PIK3CB: variants seen among roughly 807,000 people sequenced by gnomAD.
The protein encoded by PIK3CB is phosphatidylinositol 4,5-bisphosphate 3-kinase catalytic subunit beta isoform.
In PIK3CB, 39 loss-of-function variants were observed where a neutral mutation model predicts 136.8. That is an observed-to-expected ratio of 0.29 (90% confidence interval 0.22 to 0.37). The LOEUF (loss-of-function observed/expected upper bound fraction) is 0.37, where lower values mean the gene tolerates loss of function less well. Among genes scored for constraint, PIK3CB ranks in the 10% least tolerant of loss-of-function variants. The pLI, the probability that PIK3CB is intolerant of heterozygous loss-of-function variation, is 1.00. For missense variants in PIK3CB, 868 were observed against 1,275.4 expected, an observed-to-expected ratio of 0.68 and a Z score of 4.87; for synonymous variants, 428 against 436.6, an observed-to-expected ratio of 0.98 and a Z score of 0.25.
At chr3:138,808,493 A>G (rs997788081) in intron 1 of PIK3CB, among the ~76,000 whole-genome samples, 4 of 152,090 alleles carry the variant, frequency 2.6e-5, no homozygotes, top group African/African-American at 9.7e-5. Flanking sequence ...ACAACTTTGT[A>G]GTCTCTACAA....
intron 4 of PIK3CB, 81 bp from the exon 5 acceptor site, chr3:138,742,862 C>A: frequency 4.3e-6 from 3 of 705,756 alleles, no homozygotes; most frequent in Non-Finnish European, 6.7e-6. Flanking sequence ...GTATATTCAA[C>A]AAAAACTAAC....
chr3:138,713,832 A>C (rs760546517), intron 9 of PIK3CB, among the ~76,000 whole-genome samples: 2 of 152,250 alleles, frequency 1.3e-5, no homozygotes, highest in Admixed American at 1.3e-4. Context: ...GGAAGATGAA[A>C]GTATGACAAC....
At position 138,655,332 on chromosome 3, in the gene PIK3CB, A is replaced by G; in HGVS notation, c.*57T>C. 6.5e-7 allele frequency: 1 copy of G among 1,545,600 alleles called. No individual in the cohort carries two copies. Reference sequence around the variant, plus strand: ...ACAGGGTCATGTTCAATTTAGTGCAAGTGCAAAATGAAAATGAAATGAAAC... The same window carrying G: ...ACAGGGTCATGTTCAATTTAGTGCAGGTGCAAAATGAAAATGAAATGAAAC... On this transcript the variant is annotated 3_prime_UTR_variant, in exon 24 of 24. Coordinates refer to ENST00000674063, the MANE Select transcript of PIK3CB (RefSeq NM_006219.3).
chr3:138,752,759 T>C (rs2045496541), intron 4 of PIK3CB, among the ~76,000 whole-genome samples: 1 of 151,974 alleles, frequency 6.6e-6, no homozygotes, highest in Non-Finnish European at 1.5e-5. Context: ...ATATAGATTA[T>C]ACCCCTATGC....
At chr3:138,681,483 C>CT (rs1358523911) in intron 19 of PIK3CB, among the ~76,000 whole-genome samples, 7 of 151,870 alleles carry the variant, frequency 4.6e-5, no homozygotes, top group South Asian at 2.1e-4. Context: ...TTTATGTTTC[C>CT]TTTTTTCTGT....
At chr3:138,808,369 A>G (rs1324608499) in intron 1 of PIK3CB, among the ~76,000 whole-genome samples, 2 of 152,092 alleles carry the variant, frequency 1.3e-5, no homozygotes, top group Non-Finnish European at 2.9e-5. Context: ...AGTGGCATAC[A>G]CCTGTAACCT....
Position 138,694,855 on chromosome 3 carries a change from T to G in PIK3CB, c.1823A>C (p.Glu608Ala). Residue 608 changes from glutamate (E) to alanine (A), a missense_variant, in exon 14 of 24, where the codon GAG (glutamate) becomes GCG (alanine). This residue lies in a region of PIK3CB where 612 missense variants were observed against 801.1 expected (regional missense o/e 0.76). Coordinates refer to ENST00000674063, the MANE Select transcript of PIK3CB (RefSeq NM_006219.3). ...WPKLPPREAL[E>A]LLDFNYPDQY... ...GTCTGGATAGTTGAAATCCAGAAGC[T>G]CTAGGGCCTCCCGGGGGGGCAGTTT... 6.2e-7 allele frequency: 1 copy of G among 1,612,994 alleles called. No individual in the cohort carries two copies. Among genetic ancestry groups the G allele is most frequent in the Non-Finnish European group, 8.5e-7 (1 of 1,179,466 alleles).
chr3:138,762,927 T>A (rs1005988480), intron 2 of PIK3CB, among the ~76,000 whole-genome samples: 2 of 151,408 alleles, frequency 1.3e-5, no homozygotes, highest in African/African-American at 4.9e-5. Flanking sequence ...ACCACTGCAC[T>A]CCAGCCTGGG....
In PIK3CB at chr3:138,757,478, A is replaced by AACACACAC. The variant is rs146470519; in HGVS notation, c.172-1507_172-1500dup. On this transcript the variant is annotated intron_variant, in intron 3 of 23. Coordinates refer to ENST00000674063, the MANE Select transcript of PIK3CB (RefSeq NM_006219.3). ...ACATCCATTAGGATGGATACTATTA[A>AACACACAC]ACACACACACACACACACACACACA... Among the ~76,000 whole-genome samples, 419 of 136,426 alleles carry AACACACAC rather than the reference A, an allele frequency of 3.1e-3. 1 individual carries two copies. The highest frequency in any genetic ancestry group is 9.3e-3 in the African/African-American group (333 of 35,910). 89.5% of individuals were successfully genotyped at this position (136,426 alleles called of 152,430 possible). A position where few individuals can be genotyped will look rare whatever the true frequency, so the allele number is the denominator to read the frequency against.
At position 138,742,715 on chromosome 3, in the gene PIK3CB, A is replaced by C. The variant is rs1220873935; in HGVS notation, c.464T>G (p.Phe155Cys). ...VNEFRRKMRK[F>C]SEEKILSLVG... ...AAGTGACAGGATTTTTTCCTCGCTG[A>C]ATTTGCGCATTTTTCTTCGAAATTC... Residue 155 changes from phenylalanine to cysteine, a missense_variant, in exon 5 of 24, where the codon TTC becomes TGC. Coordinates refer to ENST00000674063, the MANE Select transcript of PIK3CB (RefSeq NM_006219.3). The C allele has an allele frequency of 3.1e-5, 50 of 1,613,628 alleles. No homozygotes were observed. Among genetic ancestry groups the C allele is most frequent in the Non-Finnish European group, 4.0e-5 (47 of 1,179,790 alleles).
intron 14 of PIK3CB, among the ~76,000 whole-genome samples, chr3:138,694,308 G>A (rs910213431): frequency 2.0e-5 from 3 of 152,000 alleles, no homozygotes; most frequent in African/African-American, 4.8e-5. Context: ...CGTAAAAACC[G>A]TGGCCACGAA....
intron 1 of PIK3CB, among the ~76,000 whole-genome samples, chr3:138,808,267 T>C (rs1291101895): frequency 1.3e-5 from 2 of 152,164 alleles, no homozygotes; most frequent in Non-Finnish European, 2.9e-5. Flanking sequence ...ATATTACTTA[T>C]TGACAACAGT....
intron 1 of PIK3CB, among the ~76,000 whole-genome samples, chr3:138,800,417 T>A (rs560536111): frequency 6.6e-6 from 1 of 151,810 alleles, no homozygotes; most frequent in South Asian, 2.1e-4. Flanking sequence ...CTTGACCTCC[T>A]GGGCTAGGGA....
intron 1 of PIK3CB, among the ~76,000 whole-genome samples, chr3:138,815,162 A>AATATATATATAT (rs1553743710): frequency 1.6e-5 from 1 of 62,476 alleles, no homozygotes; most frequent in African/African-American, 6.5e-5. Flanking sequence ...AAAAAAAAAA[A>AATATATATATAT]ATATATATAT....
At chr3:138,672,068 A>G (rs2108446787) in intron 19 of PIK3CB, among the ~76,000 whole-genome samples, 1 of 152,268 alleles carries the variant, frequency 6.6e-6, no homozygotes, top group South Asian at 2.1e-4. Flanking sequence ...AGGAAAAAAA[A>G]GGAGAAAAAG....
At chr3:138,674,015 T>C (rs2108452965) in intron 19 of PIK3CB, among the ~76,000 whole-genome samples, 1 of 152,126 alleles carries the variant, frequency 6.6e-6, no homozygotes, top group Non-Finnish European at 1.5e-5. Context: ...TTCTCAAAAA[T>C]ACTCAGAGGC....
intron 6 of PIK3CB, among the ~76,000 whole-genome samples, chr3:138,735,709 A>G (rs2045088214): frequency 6.6e-6 from 1 of 152,170 alleles, no homozygotes; most frequent in Non-Finnish European, 1.5e-5. Context: ...ATTACCAAAG[A>G]TTCCTAACAA....
intron 4 of PIK3CB, among the ~76,000 whole-genome samples, chr3:138,746,767 T>C (rs2045362355): frequency 6.6e-6 from 1 of 151,780 alleles, no homozygotes; most frequent in Non-Finnish European, 1.5e-5. Context: ...CTTCAGTTTC[T>C]TATTGCTTTG....
chr3:138,757,337 G>A (rs1385425536), intron 3 of PIK3CB, among the ~76,000 whole-genome samples: 2 of 151,906 alleles, frequency 1.3e-5, no homozygotes, highest in Non-Finnish European at 1.5e-5. Flanking sequence ...CCAGGAGGCG[G>A]AGGTTGCAGT....
Sources: allele counts gnomAD v4.1 joint callset (sites outside exome capture counted in the v4.1 genomes callset), GRCh38; gene constraint gnomAD v4.1.1; regional missense constraint gnomAD v4.1.1; transcripts MANE v1.5; gene names NCBI Gene and HGNC (gene_info 2026-07-23, HGNC 2026-07-21).